NAALADL2: variants seen among roughly 807,000 people sequenced by gnomAD.
NAALADL2 encodes the protein N-acetylated alpha-linked acidic dipeptidase like 2.
NAALADL2 carries 76 observed loss-of-function variants against 87.2 expected under a neutral mutation model. The observed-to-expected ratio is 0.87, with a 90% confidence interval of 0.72 to 1.05. The LOEUF is 1.05. Ranked by LOEUF, NAALADL2 falls within the 50% of genes least tolerant of loss-of-function variation. The pLI is 0.00. For missense variants in NAALADL2, 1,089 were observed against 945.8 expected, an observed-to-expected ratio of 1.15 and a Z score of -1.99; for synonymous variants, 354 against 331.0, an observed-to-expected ratio of 1.07 and a Z score of -0.75.
chr3:175,233,200 G>C (rs764418828), intron 2 of NAALADL2, among the ~76,000 whole-genome samples: 7 of 152,026 alleles, frequency 4.6e-5, no homozygotes, highest in Non-Finnish European at 8.8e-5. Flanking sequence ...AGCTCTCTCT[G>C]TATTATTTTA....
At chr3:174,691,101 T>G (rs1306711532) in intron 2 of NAALADL2, among the ~76,000 whole-genome samples, 1 of 152,174 alleles carries the variant, frequency 6.6e-6, no homozygotes, top group African/African-American at 2.4e-5. Context: ...ACAATGCATA[T>G]ATTTTAATTT....
intron 1 of NAALADL2, among the ~76,000 whole-genome samples, chr3:174,929,994 C>T (rs1736632040): frequency 6.6e-6 from 1 of 151,980 alleles, no homozygotes; most frequent in Admixed American, 6.6e-5. Flanking sequence ...CTTTTATTTC[C>T]CCTGTTCTAT....
At chr3:174,458,723 T>A (rs1716009686) in intron 1 of NAALADL2, 1 of 152,216 alleles carries the variant, frequency 6.6e-6, no homozygotes, top group Non-Finnish European at 1.5e-5. Flanking sequence ...TTCTGATATC[T>A]GCTCATCTAA....
intron 2 of NAALADL2, among the ~76,000 whole-genome samples, chr3:174,731,343 C>T (rs1381626765): frequency 6.6e-6 from 1 of 152,072 alleles, no homozygotes; most frequent in African/African-American, 2.4e-5. Context: ...CACTTTGGCA[C>T]TTGGTATATT....
At chr3:174,923,315 T>C (rs929765335) in intron 1 of NAALADL2, among the ~76,000 whole-genome samples, 5 of 152,092 alleles carry the variant, frequency 3.3e-5, no homozygotes, top group Admixed American at 6.6e-5. Flanking sequence ...TTTTAACCCA[T>C]AGAATTAAGT....
At chr3:174,477,010 C>G (rs1411746257) in intron 1 of NAALADL2, among the ~76,000 whole-genome samples, 23 of 151,758 alleles carry the variant, frequency 1.5e-4, no homozygotes, top group Non-Finnish European at 2.9e-5. Context: ...CTTGTAATTA[C>G]TATTAAAATC....
At chr3:175,625,269 G>A (rs1726821414) in intron 10 of NAALADL2, among the ~76,000 whole-genome samples, 1 of 151,954 alleles carries the variant, frequency 6.6e-6, no homozygotes. Context: ...GAATAGTGAT[G>A]AGAATGTCAT....
chr3:175,534,633 A>G lies in NAALADL2; in HGVS notation c.1654-41408A>G, dbSNP rs141914768. On this transcript the variant is annotated intron_variant, in intron 9 of 13. Transcript: ENST00000454872. ...ATGCCAATGTTCCTCACCCTCTTCC[A>G]CTTGCATTTATATTGTCAGCTTTTT... 1.6e-3 allele frequency among the ~76,000 whole-genome samples: 241 copies of G among 149,478 alleles called. 1 individual carries two copies. The highest frequency in any genetic ancestry group is 5.5e-3 in the African/African-American group (226 of 40,732).
At chr3:174,468,205 G>T (rs1032928324) in intron 1 of NAALADL2, among the ~76,000 whole-genome samples, 2 of 152,034 alleles carry the variant, frequency 1.3e-5, no homozygotes, top group African/African-American at 4.8e-5. Context: ...ACACAATCTG[G>T]TAACTGGATA....
intron 1 of NAALADL2, among the ~76,000 whole-genome samples, chr3:174,465,802 C>A (rs1370725637): frequency 1.3e-5 from 2 of 152,010 alleles, no homozygotes; most frequent in South Asian, 2.1e-4. Context: ...TAAAGATATA[C>A]ACACTTTTTT....
chr3:174,746,050 A>T (rs546145210), intron 3 of NAALADL2, among the ~76,000 whole-genome samples: 1 of 152,192 alleles, frequency 6.6e-6, no homozygotes, highest in Non-Finnish European at 1.5e-5. Flanking sequence ...TACCACTCCT[A>T]TTCAACACAG....
chr3:175,082,587 G>A (rs1718090403), intron 1 of NAALADL2, among the ~76,000 whole-genome samples: 1 of 152,138 alleles, frequency 6.6e-6, no homozygotes, highest in Admixed American at 6.5e-5. Context: ...TTAAGAACAG[G>A]AGATTTAGTA....
intron 4 of NAALADL2, among the ~76,000 whole-genome samples, chr3:175,265,699 T>C (rs886330164): frequency 4.0e-5 from 6 of 151,538 alleles, no homozygotes; most frequent in Non-Finnish European, 8.9e-5. Context: ...CCTAAAACTT[T>C]TGTAATTAAA....
At chr3:175,776,161 C>T (rs1448045072) in intron 13 of NAALADL2, 9 of 152,096 alleles carry the variant, frequency 5.9e-5, no homozygotes, top group Non-Finnish European at 1.2e-4. Context: ...GCAGTGATTT[C>T]TGCCCTCTGA....
At chr3:175,000,192 A>G (rs755242283) in intron 1 of NAALADL2, among the ~76,000 whole-genome samples, 10 of 152,158 alleles carry the variant, frequency 6.6e-5, no homozygotes, top group Non-Finnish European at 1.3e-4. Flanking sequence ...GAAATAAGAC[A>G]TGATTCTTGT....
rs537902816 is a variant in NAALADL2, at chr3:175,418,939, T to C, written c.1091-28290T>C. 1.5e-3 allele frequency among the ~76,000 whole-genome samples: 228 copies of C among 152,154 alleles called. 1 individual carries two copies. Among genetic ancestry groups the C allele is most frequent in the Non-Finnish European group, 2.8e-3 (192 of 67,952 alleles). ...AACGGCAGGCAACCACCAGCTTGTC[T>C]GTTGCAGTTCACATGTATCAGATGT... On this transcript the variant is annotated intron_variant, in intron 5 of 13. Transcript: ENST00000454872.
intron 1 of NAALADL2, among the ~76,000 whole-genome samples, chr3:175,075,633 G>A (rs1455530165): frequency 6.6e-6 from 1 of 152,078 alleles, no homozygotes; most frequent in African/African-American, 2.4e-5. Flanking sequence ...AGATATCAAT[G>A]GAGGGTTTTC....
At chr3:174,578,790 A>G (rs1392496993) in intron 2 of NAALADL2, among the ~76,000 whole-genome samples, 1 of 151,938 alleles carries the variant, frequency 6.6e-6, no homozygotes, top group Admixed American at 6.6e-5. Context: ...GGGTATACTC[A>G]GGAAACTCCA....
chr3:174,623,361 TCTGA>T lies in NAALADL2; in HGVS notation c.-115+72728_-115+72731del, dbSNP rs536686714. 2.7e-3 allele frequency among the ~76,000 whole-genome samples: 412 copies of T among 152,312 alleles called. 3 individuals are homozygous for T. Among genetic ancestry groups the T allele is most frequent in the Non-Finnish European group, 4.4e-3 (302 of 68,028 alleles). On this transcript the variant is annotated intron_variant, in intron 2 of 3. Coordinates refer to the NAALADL2 transcript ENST00000434257. Reference sequence around the variant, plus strand: ...GCACCTTTACATTTGTTTACATTTCTCTGACTGCCAATGGCACCATATACAGTAA... The same window carrying T: ...GCACCTTTACATTTGTTTACATTTCTCTGCCAATGGCACCATATACAGTAA...
Sources: gnomAD v4.1 joint callset for allele counts (sites outside exome capture counted in the v4.1 genomes callset) on GRCh38, gnomAD v4.1.1 for gene constraint, MANE v1.5 for transcripts, NCBI Gene and HGNC (gene_info 2026-07-23, HGNC 2026-07-21) for gene names.